The following ZDHHC14 variants were observed in gnomAD, a reference collection of about 807,000 sequenced individuals.
ZDHHC14 encodes zDHHC palmitoyltransferase 14.
ZDHHC14 carries 16 observed loss-of-function variants against 47.7 expected under a neutral mutation model. That is an observed-to-expected ratio of 0.34 (90% CI 0.23 to 0.51). The LOEUF (loss-of-function observed/expected upper bound fraction) is 0.51, where lower values mean the gene tolerates loss of function less well. Ranked by LOEUF, ZDHHC14 falls within the 20% of genes least tolerant of loss-of-function variation. The pLI, the probability that ZDHHC14 is intolerant of heterozygous loss-of-function variation, is 0.97. For synonymous variants in ZDHHC14, 293 were observed against 278.9 expected, an observed-to-expected ratio of 1.05 and a Z score of -0.50; for missense variants, 515 against 662.5, an observed-to-expected ratio of 0.78 and a Z score of 2.44.
At chr6:157,544,665 CAA>C (rs1781902834) in intron 2 of ZDHHC14, among the ~76,000 whole-genome samples, 1 of 94,108 alleles carries the variant, frequency 1.1e-5, no homozygotes, top group African/African-American at 7.2e-5. Flanking sequence ...ACAACAACAA[CAA>C]CAACAACCAA....
chr6:157,627,534 G>A (rs1341707991), intron 3 of ZDHHC14, among the ~76,000 whole-genome samples: 1 of 152,258 alleles, frequency 6.6e-6, no homozygotes, highest in East Asian at 1.9e-4. Flanking sequence ...TTTGTGTGCA[G>A]ATGTCCAGGT....
chr6:157,538,986 A>G (rs1781646840), intron 1 of ZDHHC14, among the ~76,000 whole-genome samples: 1 of 152,120 alleles, frequency 6.6e-6, no homozygotes, highest in East Asian at 1.9e-4. Context: ...ACACCAGATA[A>G]GGAGCTCGAG....
intron 1 of ZDHHC14, among the ~76,000 whole-genome samples, chr6:157,423,403 CT>C (rs527753480): frequency 4.4e-4 from 67 of 152,044 alleles, no homozygotes; most frequent in African/African-American, 1.4e-3. Context: ...AAGACCTAGA[CT>C]TTTTTTTCTT....
intron 1 of ZDHHC14, among the ~76,000 whole-genome samples, chr6:157,539,313 G>C (rs1325760572): frequency 6.6e-6 from 1 of 152,096 alleles, no homozygotes; most frequent in Non-Finnish European, 1.5e-5. Context: ...TGAGCTGGGA[G>C]AATCTCTTGA....
intron 1 of ZDHHC14, among the ~76,000 whole-genome samples, chr6:157,524,965 C>A (rs1314683604): frequency 6.6e-6 from 1 of 152,214 alleles, no homozygotes; most frequent in East Asian, 1.9e-4. Flanking sequence ...CTCACAGTTT[C>A]TTGGATGTGG....
intron 7 of ZDHHC14, among the ~76,000 whole-genome samples, chr6:157,648,345 G>T (rs981971318): frequency 6.6e-6 from 1 of 152,102 alleles, no homozygotes; most frequent in Non-Finnish European, 1.5e-5. Flanking sequence ...GACCCACTGT[G>T]CACCCAGACC....
At chr6:157,619,544 T>G (rs1785102410) in intron 3 of ZDHHC14, among the ~76,000 whole-genome samples, 1 of 152,158 alleles carries the variant, frequency 6.6e-6, no homozygotes, top group Non-Finnish European at 1.5e-5. Context: ...ACCTGCCAGG[T>G]GGTGGCAAGG....
intron 1 of ZDHHC14, among the ~76,000 whole-genome samples, chr6:157,475,038 T>A (rs1779446814): frequency 6.6e-6 from 1 of 152,198 alleles, no homozygotes; most frequent in Non-Finnish European, 1.5e-5. Flanking sequence ...TAACTTTTAA[T>A]CCATTCTAAG....
intron 1 of ZDHHC14, among the ~76,000 whole-genome samples, chr6:157,525,531 G>T (rs1035576903): frequency 6.6e-6 from 1 of 152,068 alleles, no homozygotes; most frequent in Non-Finnish European, 1.5e-5. Context: ...AGCTCCAGAG[G>T]CAGGGAGCAA....
At chr6:157,639,331 G>A (rs1414469619) in intron 5 of ZDHHC14, among the ~76,000 whole-genome samples, 2 of 152,130 alleles carry the variant, frequency 1.3e-5, no homozygotes, top group African/African-American at 2.4e-5. Context: ...TTGAGATGGC[G>A]TCTCACTCTT....
At chr6:157,555,623 C>T (rs567532850) in intron 2 of ZDHHC14, among the ~76,000 whole-genome samples, 11 of 152,316 alleles carry the variant, frequency 7.2e-5, no homozygotes, top group Middle Eastern at 3.4e-3. Context: ...AGGGCTAGCA[C>T]GCACAGTGCA....
At chr6:157,536,777 A>G (rs951100383) in intron 1 of ZDHHC14, among the ~76,000 whole-genome samples, 16 of 148,086 alleles carry the variant, frequency 1.1e-4, no homozygotes, top group Admixed American at 3.3e-4. Flanking sequence ...ATATCTATCT[A>G]TCTGTCTGCC....
intron 2 of ZDHHC14, among the ~76,000 whole-genome samples, chr6:157,581,029 A>T (rs1052433988): frequency 6.6e-6 from 1 of 151,650 alleles, no homozygotes; most frequent in Non-Finnish European, 1.5e-5. Flanking sequence ...TTAATTTGAG[A>T]TCCTTCTTAC....
rs1778988797 is a variant in ZDHHC14 at position 157,677,483 on chromosome 6, A to G, written c.*4361A>G. 1 of 152,152 alleles carries G rather than the reference A, an allele frequency of 6.6e-6. No homozygotes were observed. Among genetic ancestry groups the G allele is most frequent in the South Asian group, 2.1e-4 (1 of 4,828 alleles). 9.4% of individuals were successfully genotyped at this position (152,152 alleles called of 1,614,324 possible). Reference sequence around the variant, plus strand: ...ATGTAAGGTGTTAGTCCATTAATCCAGCCATTAAAAGTAGTTGGGAGATTG... The same window carrying G: ...ATGTAAGGTGTTAGTCCATTAATCCGGCCATTAAAAGTAGTTGGGAGATTG... On this transcript the variant is annotated 3_prime_UTR_variant, in exon 9 of 9. Transcript: ENST00000359775.
intron 3 of ZDHHC14, among the ~76,000 whole-genome samples, chr6:157,599,791 A>G (rs1028704558): frequency 2.6e-5 from 4 of 152,246 alleles, no homozygotes; most frequent in Non-Finnish European, 4.4e-5. Context: ...TTGGAGAACA[A>G]CCAACCAAGG....
chr6:157,423,518 A>G (rs1313252309), intron 1 of ZDHHC14, among the ~76,000 whole-genome samples: 3 of 152,208 alleles, frequency 2.0e-5, no homozygotes, highest in African/African-American at 7.2e-5. Context: ...CTTTTATTTA[A>G]TCCAAATTGG....
chr6:157,422,710 C>T (rs1778136410), intron 1 of ZDHHC14, among the ~76,000 whole-genome samples: 1 of 152,216 alleles, frequency 6.6e-6, no homozygotes, highest in African/African-American at 2.4e-5. Flanking sequence ...TAAGCCCTCT[C>T]TGTGATAACC....
intron 1 of ZDHHC14, among the ~76,000 whole-genome samples, chr6:157,514,291 C>T (rs1211977105): frequency 3.3e-5 from 5 of 152,162 alleles, no homozygotes; most frequent in Non-Finnish European, 7.3e-5. Context: ...CCACACTGTA[C>T]CGTCACTCCC....
In ZDHHC14 at chr6:157,567,104, G is replaced by A. The variant is rs141565143; in HGVS notation, c.406+24359G>A. ...GACCTCAGGGTGATCCATCTGCCTC[G>A]GCTTCCCAAAGTGCTGAGATTACAC... On this transcript the variant is annotated intron_variant, in intron 2 of 8. Transcript: ENST00000359775. Among the ~76,000 whole-genome samples the A allele has an allele frequency of 3.1e-4, 47 of 152,038 alleles. No individual in the cohort carries two copies. In the East Asian group the frequency reaches 7.4e-3, roughly 24 times the overall value.
Sources: allele counts gnomAD v4.1 joint callset (sites outside exome capture counted in the v4.1 genomes callset), GRCh38; gene constraint gnomAD v4.1.1; transcripts MANE v1.5; gene names NCBI Gene and HGNC (gene_info 2026-07-23, HGNC 2026-07-21).